Variants in LRRFIP2 observed in about 807,000 individuals in gnomAD.
The protein encoded by LRRFIP2 is LRR binding FLII interacting protein 2.
LRRFIP2 carries 109 observed loss-of-function variants against 125.9 expected under a neutral mutation model. That is an observed-to-expected ratio of 0.87 (90% CI 0.74 to 1.01). LRRFIP2 has a LOEUF of 1.01. Ranked by LOEUF, LRRFIP2 falls within the 50% of genes least tolerant of loss-of-function variation. The probability of loss-of-function intolerance (pLI) is 0.00; values close to 1 mark genes in which losing one functional copy is unlikely to be tolerated. For missense variants in LRRFIP2, 850 were observed against 862.3 expected, an observed-to-expected ratio of 0.99 and a Z score of 0.18; for synonymous variants, 291 against 293.1, an observed-to-expected ratio of 0.99 and a Z score of 0.07.
intron 19 of LRRFIP2, among the ~76,000 whole-genome samples, chr3:37,077,843 C>T (rs890662187): frequency 7.9e-5 from 12 of 152,256 alleles, no homozygotes; most frequent in South Asian, 2.1e-4. Context: ...TCTTGTCACA[C>T]GCTACAACAT....
At chr3:37,173,690 A>G (rs2096617054) in intron 1 of LRRFIP2, among the ~76,000 whole-genome samples, 1 of 152,234 alleles carries the variant, frequency 6.6e-6, no homozygotes, top group South Asian at 2.1e-4. Flanking sequence ...CATTCCCAGC[A>G]CACTGCAAGA....
intron 19 of LRRFIP2, among the ~76,000 whole-genome samples, chr3:37,081,165 G>A (rs559184083): frequency 9.2e-5 from 14 of 152,304 alleles, no homozygotes; most frequent in Non-Finnish European, 1.8e-4. Context: ...TTACTTAAGC[G>A]TAGGAGATCA....
intron 2 of LRRFIP2, among the ~76,000 whole-genome samples, chr3:37,133,006 T>C (rs555840524): frequency 1.3e-5 from 2 of 152,264 alleles, no homozygotes; most frequent in South Asian, 4.1e-4. Context: ...GGCAGATCAC[T>C]TGAGACCAGG....
chr3:37,131,084 T>G (rs918001663), intron 2 of LRRFIP2, among the ~76,000 whole-genome samples: 2 of 152,104 alleles, frequency 1.3e-5, no homozygotes, highest in African/African-American at 4.8e-5. Flanking sequence ...TTGATGGCAA[T>G]CAGGTTTGCT....
intron 2 of LRRFIP2, among the ~76,000 whole-genome samples, chr3:37,136,336 A>G (rs1249611695): frequency 6.6e-6 from 1 of 152,192 alleles, no homozygotes; most frequent in Admixed American, 6.5e-5. Flanking sequence ...TTTTGGGCTG[A>G]TGAAATGTTA....
chr3:37,060,288 T>TG lies in LRRFIP2; in HGVS notation c.1750-1379dup, dbSNP rs1491438303. On this transcript the variant is annotated intron_variant, in intron 24 of 27. Transcript: ENST00000336686. The surrounding 1 kb of genome is among the most constrained non-coding windows in gnomAD (Gnocchi z 4.1). ...CTGCTTCTGCAGCTCTCTCAAACAC[T>TG]GTTTTTGTTTTGTTTTGTTTTGTTT... 1.4e-4 allele frequency among the ~76,000 whole-genome samples: 21 copies of TG among 151,286 alleles called. No individual in the cohort carries two copies. The highest frequency in any genetic ancestry group is 4.2e-4 in the South Asian group (2 of 4,782).
rs1181943140 is a variant in LRRFIP2, at chr3:37,060,670, T to C, written c.1750-1760A>G. Among the ~76,000 whole-genome samples the C allele has an allele frequency of 6.6e-6, 1 of 152,058 alleles. No individual in the cohort carries two copies. The highest frequency in any genetic ancestry group is 2.4e-5 in the African/African-American group (1 of 41,400). The stretch of plus-strand genomic sequence containing the variant: ...AGAAATGGAATAGGTGTCCTCTTGC[T>C]TTCCTTGCTGGTATTTTCCCTCCAT... On this transcript the variant is annotated intron_variant, in intron 24 of 27. Coordinates refer to ENST00000336686, the MANE Select transcript of LRRFIP2 (RefSeq NM_006309.4). This position sits in a 1 kb window ranked among gnomAD's most constrained non-coding sequence, Gnocchi z 4.1.
intron 25 of LRRFIP2, among the ~76,000 whole-genome samples, chr3:37,055,533 TC>T (rs1490233264): frequency 6.6e-6 from 1 of 151,990 alleles, no homozygotes; most frequent in Non-Finnish European, 1.5e-5. Context: ...GCCACTGCAC[TC>T]CAGCCTGGCA....
At chr3:37,067,545 A>G (rs2090386235) in intron 21 of LRRFIP2, 1 of 152,262 alleles carries the variant, frequency 6.6e-6, no homozygotes, top group Non-Finnish European at 1.5e-5. Context: ...GAAGTGGGAC[A>G]GCGAATTGCT....
At chr3:37,105,386 A>T in intron 14 of LRRFIP2, 69 bp downstream of exon 14, 2 of 1,263,606 alleles carry the variant, frequency 1.6e-6, no homozygotes, top group African/African-American at 1.5e-5. Context: ...TTTCCAACAG[A>T]CTTCATGTGA....
chr3:37,153,890 C>T (rs999513567), intron 1 of LRRFIP2, among the ~76,000 whole-genome samples: 1 of 152,026 alleles, frequency 6.6e-6, no homozygotes, highest in Admixed American at 6.6e-5. Flanking sequence ...TCAAGGACTA[C>T]CTAGTTCAAA....
At chr3:37,068,302 AAAC>A (rs915448301) in intron 21 of LRRFIP2, 4 of 152,332 alleles carry the variant, frequency 2.6e-5, no homozygotes, top group Non-Finnish European at 5.9e-5. Context: ...TGCTCTACAT[AAAC>A]AACAACACTG....
chr3:37,084,440 C>T (rs949416683), intron 18 of LRRFIP2, among the ~76,000 whole-genome samples: 1 of 152,052 alleles, frequency 6.6e-6, no homozygotes, highest in Non-Finnish European at 1.5e-5. Context: ...AGGGGGTAGA[C>T]TGCTTGAGCC....
intron 1 of LRRFIP2, among the ~76,000 whole-genome samples, chr3:37,150,448 G>T (rs2095990777): frequency 6.6e-6 from 1 of 152,126 alleles, no homozygotes; most frequent in Non-Finnish European, 1.5e-5. Flanking sequence ...GGCAACAAGA[G>T]AGAAACTCCT....
chr3:37,078,556 G>C (rs764365814), intron 19 of LRRFIP2, among the ~76,000 whole-genome samples: 1 of 152,050 alleles, frequency 6.6e-6, no homozygotes, highest in Non-Finnish European at 1.5e-5. Flanking sequence ...TAACCCTAGA[G>C]TCCTGCATGT....
intron 18 of LRRFIP2, among the ~76,000 whole-genome samples, chr3:37,088,551 G>T (rs2093232227): frequency 1.3e-5 from 2 of 149,696 alleles, no homozygotes; most frequent in Admixed American, 1.3e-4. Flanking sequence ...GGTGGCTAAT[G>T]TCTGTCATCC....
intron 1 of LRRFIP2, among the ~76,000 whole-genome samples, chr3:37,161,837 T>C (rs9827265): frequency 0.021 from 2,544 of 122,758 alleles, 76 homozygotes; most frequent in African/African-American, 0.072. Flanking sequence ...GAAAGAAAAA[T>C]ATATAAGGTT....
intron 1 of LRRFIP2, among the ~76,000 whole-genome samples, chr3:37,165,847 A>AAG (rs1323883438): frequency 5.5e-5 from 8 of 146,504 alleles, no homozygotes; most frequent in East Asian, 2.0e-4. Flanking sequence ...GAAAGAAAGA[A>AAG]AGAAAGAAAG....
At chr3:37,092,041 G>C (rs1199046802) in intron 17 of LRRFIP2, among the ~76,000 whole-genome samples, 1 of 152,020 alleles carries the variant, frequency 6.6e-6, no homozygotes, top group Non-Finnish European at 1.5e-5. Flanking sequence ...TTGGTTACTG[G>C]CCACAATTAA....
Sources: gnomAD v4.1 joint callset for allele counts (sites outside exome capture counted in the v4.1 genomes callset) on GRCh38, gnomAD v4.1.1 for gene constraint, Gnocchi (gnomAD v3.1) non-coding constraint, MANE v1.5 for transcripts, NCBI Gene and HGNC (gene_info 2026-07-23, HGNC 2026-07-21) for gene names.